BMPR1A: variants seen among roughly 807,000 people sequenced by gnomAD.
BMPR1A encodes bone morphogenetic protein receptor type 1A, also known as bone morphogenetic protein receptor type-1A.
A neutral mutation model predicts 66.0 loss-of-function variants in BMPR1A; 7 were observed. That is an observed-to-expected ratio of 0.11 (90% CI 0.06 to 0.20). The LOEUF (loss-of-function observed/expected upper bound fraction) is 0.20, where lower values mean the gene tolerates loss of function less well. Among genes scored for constraint, BMPR1A ranks in the 10% least tolerant of loss-of-function variants. The probability of loss-of-function intolerance (pLI) is 1.00; values close to 1 mark genes in which losing one functional copy is unlikely to be tolerated. For missense variants in BMPR1A, 408 were observed against 669.1 expected (o/e 0.61, Z 4.31); for synonymous variants, 200 against 229.7 (o/e 0.87, Z 1.17).
chr10:86,784,147 A>G (rs991169694), intron 1 of BMPR1A, among the ~76,000 whole-genome samples: 3 of 152,058 alleles, frequency 2.0e-5, no homozygotes, highest in African/African-American at 7.2e-5. Context: ...GTTGAGTAGA[A>G]GTGGTGAGAG....
In BMPR1A at chr10:86,845,866, G is replaced by A. The variant is rs528895001; in HGVS notation, c.-153+6887G>A. Among the ~76,000 whole-genome samples the A allele has an allele frequency of 6.6e-5, 10 of 151,920 alleles. No individual in the cohort carries two copies. The South Asian group carries it at 2.1e-3, about 32-fold the overall frequency. Reference sequence around the variant, plus strand: ...CAAAAAATTAGCCGGGTGTGATGGCGGGCGCCTGTAGTCCCAGCTACTCGG... The same window carrying A: ...CAAAAAATTAGCCGGGTGTGATGGCAGGCGCCTGTAGTCCCAGCTACTCGG... On this transcript the variant is annotated intron_variant, in intron 2 of 12. Coordinates refer to ENST00000372037, the MANE Select transcript of BMPR1A (RefSeq NM_004329.3).
chr10:86,810,274 C>G (rs1417410588), intron 1 of BMPR1A, among the ~76,000 whole-genome samples: 1 of 152,190 alleles, frequency 6.6e-6, no homozygotes, highest in Non-Finnish European at 1.5e-5. Context: ...AGCCAACACG[C>G]CTGGCTGCTG....
rs147003263 is a variant in BMPR1A at position 86,811,314 on chromosome 10, C to T, written c.-267-27551C>T. Among the ~76,000 whole-genome samples the T allele has an allele frequency of 4.6e-5, 7 of 152,344 alleles. No homozygotes were observed. In the East Asian group the frequency reaches 1.3e-3, roughly 29 times the overall value. On this transcript the variant is annotated intron_variant, in intron 1 of 12. Transcript: ENST00000372037. ...TCAGCCTCCCAAAGTGCTGGGATTA[C>T]AGGCGTGAGCCACCACTCCCGGCCA...
rs1048047864 is a variant in BMPR1A at position 86,762,607 on chromosome 10, C to T, written c.-268+5688C>T. ...CTCCTGACCTCAGGTGATCCTTCCG[C>T]CTTGGCCTCCCAAAGTTCTGGGATT... is the stretch of plus-strand genomic sequence containing the variant. On this transcript the variant is annotated intron_variant, in intron 1 of 12. Transcript: ENST00000372037. Among the ~76,000 whole-genome samples, 3 of 152,200 alleles carry T rather than the reference C, an allele frequency of 2.0e-5. No individual in the cohort carries two copies. In the East Asian group the frequency reaches 5.8e-4, roughly 29 times the overall value.
At chr10:86,792,248 A>G (rs1009798418) in intron 1 of BMPR1A, among the ~76,000 whole-genome samples, 1 of 151,448 alleles carries the variant, frequency 6.6e-6, no homozygotes, top group Non-Finnish European at 1.5e-5. Context: ...TTGTATTTTT[A>G]GTAGAGATGG....
At chr10:86,899,954 AG>A in intron 6 of BMPR1A, 64 bp downstream of exon 6, 2 of 1,610,094 alleles carry the variant, frequency 1.2e-6, no homozygotes, top group East Asian at 4.5e-5. Flanking sequence ...TACAGTAACC[AG>A]GCTACCTAGA....
intron 7 of BMPR1A, among the ~76,000 whole-genome samples, chr10:86,907,946 G>A (rs933446716): frequency 1.3e-5 from 2 of 152,182 alleles, no homozygotes; most frequent in Admixed American, 6.5e-5. Flanking sequence ...GTAATTTATT[G>A]TGTATTTCAA....
chr10:86,796,490 CATTTATTT>C lies in BMPR1A; in HGVS notation c.-268+39604_-268+39611del, dbSNP rs138802508. The stretch of plus-strand genomic sequence containing the variant: ...GAATTATATCACATAAATTTAGGCA[CATTTATTT>C]ATTTATTTATTTATTTATTTATTTA... On this transcript the variant is annotated intron_variant, in intron 1 of 12. Coordinates refer to ENST00000372037, the MANE Select transcript of BMPR1A (RefSeq NM_004329.3). Among the ~76,000 whole-genome samples the C allele has an allele frequency of 3.8e-3, 570 of 148,190 alleles. 2 individuals are homozygous for C. The highest frequency in any genetic ancestry group is 0.021 in the Middle Eastern group (6 of 286).
chr10:86,895,359 G>A (rs1003503236), intron 5 of BMPR1A, among the ~76,000 whole-genome samples: 5 of 151,574 alleles, frequency 3.3e-5, no homozygotes, highest in Non-Finnish European at 7.4e-5. Context: ...TCAACATGGC[G>A]ACACCCCGTC....
At chr10:86,880,389 G>A (rs1005490013) in intron 3 of BMPR1A, among the ~76,000 whole-genome samples, 2 of 152,112 alleles carry the variant, frequency 1.3e-5, no homozygotes, top group African/African-American at 4.8e-5. Flanking sequence ...TGGTATTGTA[G>A]CACTTACCTA....
At chr10:86,883,363 A>G (rs1171554116) in intron 3 of BMPR1A, among the ~76,000 whole-genome samples, 1 of 151,982 alleles carries the variant, frequency 6.6e-6, no homozygotes, top group African/African-American at 2.4e-5. Context: ...ATCCTGGCTA[A>G]CACGGTGAAA....
At chr10:86,804,792 GTTTT>G (rs5786747) in intron 1 of BMPR1A, among the ~76,000 whole-genome samples, 4 of 57,264 alleles carry the variant, frequency 7.0e-5, no homozygotes, top group South Asian at 7.2e-4. Context: ...GTTTGTAGGT[GTTTT>G]TTTTTTTTTT....
At chr10:86,805,092 A>T (rs1258386118) in intron 1 of BMPR1A, among the ~76,000 whole-genome samples, 1 of 152,026 alleles carries the variant, frequency 6.6e-6, no homozygotes, top group Non-Finnish European at 1.5e-5. Flanking sequence ...TTTTATAAGG[A>T]TGGTATAGTC....
chr10:86,765,131 G>T (rs756578087), intron 1 of BMPR1A, among the ~76,000 whole-genome samples: 9 of 151,926 alleles, frequency 5.9e-5, no homozygotes, highest in Non-Finnish European at 1.0e-4. Context: ...CGTCATATTG[G>T]ACAGTACTGC....
intron 2 of BMPR1A, among the ~76,000 whole-genome samples, chr10:86,860,729 C>T (rs1483633143): frequency 1.4e-5 from 2 of 144,586 alleles, no homozygotes; most frequent in African/African-American, 5.2e-5. Flanking sequence ...GAGATTGTGC[C>T]ATTGCACTAC....
intron 1 of BMPR1A, among the ~76,000 whole-genome samples, chr10:86,764,702 A>G (rs1463772116): frequency 6.6e-6 from 1 of 152,110 alleles, no homozygotes; most frequent in Non-Finnish European, 1.5e-5. Flanking sequence ...TAAATATCCG[A>G]TTCAGGTTTG....
chr10:86,889,807 C>G (rs1053042451), intron 3 of BMPR1A: 3 of 479,070 alleles, frequency 6.3e-6, no homozygotes, highest in Non-Finnish European at 1.1e-5. Flanking sequence ...CCTTGCGCCA[C>G]TCTTGTTTGT....
At position 86,867,113 on chromosome 10, in the gene BMPR1A, T is replaced by C. The variant is rs575343846; in HGVS notation, c.-152-8754T>C. Among the ~76,000 whole-genome samples, 4 of 152,296 alleles carry C rather than the reference T, an allele frequency of 2.6e-5. No individual in the cohort carries two copies. In the South Asian group the frequency reaches 8.3e-4, roughly 32 times the overall value. ...AGACTCTGAACTCTTTACCACCACATTAAACTGTTTTTTTCTCTATTCAAT... is the reference window on the plus strand; with the variant it reads ...AGACTCTGAACTCTTTACCACCACACTAAACTGTTTTTTTCTCTATTCAAT... On this transcript the variant is annotated intron_variant, in intron 2 of 12. Coordinates refer to ENST00000372037, the MANE Select transcript of BMPR1A (RefSeq NM_004329.3).
At chr10:86,810,776 A>T (rs1165268181) in intron 1 of BMPR1A, among the ~76,000 whole-genome samples, 1 of 152,126 alleles carries the variant, frequency 6.6e-6, no homozygotes, top group Non-Finnish European at 1.5e-5. Flanking sequence ...GTTGAATTTC[A>T]ATGGTTCTTT....
Sources: allele counts gnomAD v4.1 joint callset (sites outside exome capture counted in the v4.1 genomes callset), GRCh38; gene constraint gnomAD v4.1.1; transcripts MANE v1.5; gene names NCBI Gene and HGNC (gene_info 2026-07-23, HGNC 2026-07-21).